The following TBC1D14 variants were observed in gnomAD, a reference collection of about 807,000 sequenced individuals.
TBC1D14 encodes TBC1 domain family member 14.
Under a neutral mutation model 79.0 loss-of-function variants are expected in TBC1D14, and 26 were observed. That is an observed-to-expected ratio of 0.33 (90% CI 0.24 to 0.46). TBC1D14 has a LOEUF of 0.46. Ranked by LOEUF, TBC1D14 falls within the 20% of genes least tolerant of loss-of-function variation. The probability of loss-of-function intolerance (pLI) is 1.00; values close to 1 mark genes in which losing one functional copy is unlikely to be tolerated. For missense variants in TBC1D14, 769 were observed against 887.6 expected, an observed-to-expected ratio of 0.87 and a Z score of 1.70; for synonymous variants, 394 against 349.9, an observed-to-expected ratio of 1.13 and a Z score of -1.40.
chr4:6,952,506 A>T (rs1284322730), intron 2 of TBC1D14, among the ~76,000 whole-genome samples: 2 of 152,208 alleles, frequency 1.3e-5, no homozygotes, highest in Non-Finnish European at 2.9e-5. Flanking sequence ...CAGCTCTTGT[A>T]CTTGATTGTC....
At position 6,923,599 on chromosome 4, in the gene TBC1D14, C is replaced by A. The variant is rs200312732; in HGVS notation, c.210C>A (p.Thr70=). ...AGTCCGTGGACTCGGGGATTCCTAC[C>A]CTGGAGATCGGGAACCCGGAGCCTG... ...SLQSVDSGIP[T]LEIGNPEPVP... is the part of the protein sequence containing the mutation. The change falls in exon 2 of 14, where the codon ACC becomes ACA. Residue 70 remains threonine (T), a synonymous_variant. Transcript: ENST00000409757. 1.2e-6 allele frequency: 2 copies of A among 1,614,058 alleles called. No individual in the cohort carries two copies. The highest frequency in any genetic ancestry group is 4.5e-5 in the East Asian group (2 of 44,878).
intron 10 of TBC1D14, 95 bp downstream of exon 10, chr4:7,010,043 C>G (rs1334340469): frequency 1.4e-6 from 2 of 1,414,334 alleles, no homozygotes; most frequent in African/African-American, 2.8e-5. Flanking sequence ...CATGCCAGTG[C>G]CTTCGTTTTT....
rs546176097 is a variant in TBC1D14 at position 6,945,601 on chromosome 4, A to G, written c.722+21490A>G. 3.9e-5 allele frequency among the ~76,000 whole-genome samples: 6 copies of G among 152,114 alleles called. No individual in the cohort carries two copies. The East Asian group carries it at 1.2e-3, about 29-fold the overall frequency. On this transcript the variant is annotated intron_variant, in intron 2 of 13. Transcript: ENST00000409757. ...CCGTCTCTACTAAAAATGCAAAATTAGCCGAGCGTGGTGGCAACGCGCCTG... is the reference window on the plus strand; with the variant it reads ...CCGTCTCTACTAAAAATGCAAAATTGGCCGAGCGTGGTGGCAACGCGCCTG...
At chr4:6,931,466 A>T (rs1282335565) in intron 2 of TBC1D14, among the ~76,000 whole-genome samples, 1 of 152,128 alleles carries the variant, frequency 6.6e-6, no homozygotes, top group Non-Finnish European at 1.5e-5. Flanking sequence ...TCATGTCTGG[A>T]AACATGCAGC....
chr4:7,010,734 C>T lies in TBC1D14; in HGVS notation c.1600C>T (p.Leu534=), dbSNP rs775535107. ...ADAFIAFSNL[L]NKPCQMAFFR... is the part of the protein sequence containing the mutation. Reference sequence around the variant, plus strand: ...TGCCTTTATTGCCTTTTCTAACCTTCTGAATAAACCCTGTCAAATGGCGTT... The same window carrying T: ...TGCCTTTATTGCCTTTTCTAACCTTTTGAATAAACCCTGTCAAATGGCGTT... The change falls in exon 11 of 14, where the codon CTG becomes TTG. Residue 534 remains leucine (L), a synonymous_variant. Transcript: ENST00000409757. 1.1e-5 allele frequency: 17 copies of T among 1,613,990 alleles called. No individual in the cohort carries two copies. The African/African-American group carries it at 1.7e-4, about 16-fold the overall frequency.
rs565579445 is a variant in TBC1D14 at position 7,032,085 on chromosome 4, C to G, written c.*1693C>G. The G allele has an allele frequency of 2.0e-5, 3 of 152,698 alleles. No homozygotes were observed. The highest frequency in any genetic ancestry group is 7.2e-5 in the African/African-American group (3 of 41,570). 9.5% of individuals were successfully genotyped at this position (152,698 alleles called of 1,614,324 possible). A position where few individuals can be genotyped will look rare whatever the true frequency, so the allele number is the denominator to read the frequency against. ...AATCTCCAGGGAGGCTGCAGAGCAT[C>G]GTGGAGACCACTTTCTGCCTCGGCC... is the stretch of plus-strand genomic sequence containing the variant. On this transcript the variant is annotated 3_prime_UTR_variant, in exon 14 of 14. Coordinates refer to ENST00000409757, the MANE Select transcript of TBC1D14 (RefSeq NM_020773.3).
chr4:6,910,073 G>T (rs1722846673), intron 1 of TBC1D14, 122 bp downstream of exon 1: 1 of 148,922 alleles, frequency 6.7e-6, no homozygotes, highest in East Asian at 1.9e-4. Flanking sequence ...CAGGTCGCCG[G>T]GCGCGGGTCC....
chr4:6,922,258 G>A (rs1413226015), intron 1 of TBC1D14, among the ~76,000 whole-genome samples: 2 of 152,008 alleles, frequency 1.3e-5, no homozygotes, highest in African/African-American at 4.8e-5. Flanking sequence ...GTCTTGTTAC[G>A]TTGCCCACGC....
chr4:6,923,638 G>A lies in TBC1D14; in HGVS notation c.249G>A (p.Ala83=), dbSNP rs780068290. ...IGNPEPVPCS[A]VHVRRKQSDS... is the part of the protein sequence containing the mutation. ...ACCCGGAGCCTGTACCCTGCAGCGC[G>A]GTCCACGTGAGGAGGAAGCAGTCCG... Residue 83 remains alanine (A), a synonymous_variant, in exon 2 of 14, where the codon GCG becomes GCA. Transcript: ENST00000409757. The A allele has an allele frequency of 1.5e-5, 25 of 1,613,784 alleles. No individual in the cohort carries two copies. Among genetic ancestry groups the A allele is most frequent in the South Asian group, 5.5e-5 (5 of 91,084 alleles).
chr4:6,948,193 C>T (rs548910472), intron 2 of TBC1D14, among the ~76,000 whole-genome samples: 1 of 152,248 alleles, frequency 6.6e-6, no homozygotes, highest in African/African-American at 2.4e-5. Flanking sequence ...CGTGTGTCTG[C>T]CACCTCAGTC....
intron 2 of TBC1D14, among the ~76,000 whole-genome samples, chr4:6,949,539 C>T (rs1263378348): frequency 3.9e-5 from 6 of 151,936 alleles, no homozygotes; most frequent in Non-Finnish European, 1.5e-5. Context: ...AGAAATTAGC[C>T]GGGTGTAGTA....
At chr4:6,942,567 T>C (rs1383909783) in intron 2 of TBC1D14, among the ~76,000 whole-genome samples, 1 of 152,216 alleles carries the variant, frequency 6.6e-6, no homozygotes, top group Non-Finnish European at 1.5e-5. Flanking sequence ...GTACCAAGTG[T>C]TACAGGTACA....
At chr4:6,932,732 T>C (rs1359162545) in intron 2 of TBC1D14, among the ~76,000 whole-genome samples, 1 of 152,192 alleles carries the variant, frequency 6.6e-6, no homozygotes. Flanking sequence ...CAAAAGGTCA[T>C]CCTGCCTCAG....
chr4:6,938,958 C>T (rs549015140), intron 2 of TBC1D14, among the ~76,000 whole-genome samples: 50 of 152,150 alleles, frequency 3.3e-4, no homozygotes, highest in African/African-American at 9.9e-4. Context: ...GCAGCAGCGG[C>T]GCCATCCCCC....
chr4:6,922,016 GC>G (rs765345532), intron 1 of TBC1D14, among the ~76,000 whole-genome samples: 1 of 152,030 alleles, frequency 6.6e-6, no homozygotes, highest in Non-Finnish European at 1.5e-5. Context: ...CTTTAGACAT[GC>G]CCTTAGATGT....
intron 2 of TBC1D14, among the ~76,000 whole-genome samples, chr4:6,944,693 C>G (rs1223244438): frequency 6.6e-6 from 1 of 152,218 alleles, no homozygotes; most frequent in African/African-American, 2.4e-5. Context: ...AAAATTAGTC[C>G]TCCCCGGGTC....
chr4:6,927,030 G>A (rs1577469775), intron 2 of TBC1D14, among the ~76,000 whole-genome samples: 1 of 152,216 alleles, frequency 6.6e-6, no homozygotes, highest in African/African-American at 2.4e-5. Context: ...GAAGGGTGGA[G>A]ACGGGCAGGG....
At chr4:7,029,071 C>T (rs746445388) in intron 13 of TBC1D14, among the ~76,000 whole-genome samples, 5 of 151,744 alleles carry the variant, frequency 3.3e-5, no homozygotes, top group Non-Finnish European at 7.4e-5. Context: ...AACTCCTGGG[C>T]CCAAGTGATC....
Position 7,007,454 on chromosome 4 carries a change from T to C in TBC1D14, c.1446+728T>C, listed in dbSNP as rs1386461604. The C allele has an allele frequency of 1.7e-5, 17 of 989,592 alleles. No homozygotes were observed. The South Asian group carries it at 2.2e-4, about 13-fold the overall frequency. 61.3% of individuals were successfully genotyped at this position (989,592 alleles called of 1,614,324 possible). Reference sequence around the variant, plus strand: ...CCCTTTCTTATCTATAACGGGTTTTTGCGGGGGCAGTTGTTCTTGCAGAAT... The same window carrying C: ...CCCTTTCTTATCTATAACGGGTTTTCGCGGGGGCAGTTGTTCTTGCAGAAT... On this transcript the variant is annotated intron_variant, in intron 9 of 13. Transcript: ENST00000409757.
Sources: allele counts gnomAD v4.1 joint callset (sites outside exome capture counted in the v4.1 genomes callset), GRCh38; gene constraint gnomAD v4.1.1; transcripts MANE v1.5; gene names NCBI Gene and HGNC (gene_info 2026-07-23, HGNC 2026-07-21).